NAA11: variants seen among roughly 807,000 people sequenced by gnomAD.
NAA11 encodes the protein N-alpha-acetyltransferase 11.
In NAA11, 15 loss-of-function variants were observed where a neutral mutation model predicts 16.1. That is an observed-to-expected ratio of 0.93 (90% confidence interval 0.62 to 1.44). The LOEUF (loss-of-function observed/expected upper bound fraction) is 1.44. Among genes scored for constraint, NAA11 ranks in the 40% most tolerant of loss-of-function variants. The probability of loss-of-function intolerance (pLI) is 0.00; values close to 1 mark genes in which losing one functional copy is unlikely to be tolerated. For synonymous variants in NAA11, 122 were observed against 112.4 expected, an observed-to-expected ratio of 1.09 and a Z score of -0.54; for missense variants, 298 against 291.3, an observed-to-expected ratio of 1.02 and a Z score of -0.17.
chr4:79,320,790 T>C (rs1724067013), intron 1 of NAA11, among the ~76,000 whole-genome samples: 1 of 148,552 alleles, frequency 6.7e-6, no homozygotes, highest in African/African-American at 2.6e-5. Context: ...ATGAAAAATA[T>C]TTTTTTTAGG....
intron 1 of NAA11, among the ~76,000 whole-genome samples, chr4:79,304,228 T>C (rs917103924): frequency 2.6e-5 from 4 of 152,200 alleles, no homozygotes; most frequent in African/African-American, 9.6e-5. Flanking sequence ...TAAAAAATTA[T>C]GGTCTACAGA....
At chr4:79,282,103 C>T (rs532024521) in intron 2 of NAA11, among the ~76,000 whole-genome samples, 1 of 152,150 alleles carries the variant, frequency 6.6e-6, no homozygotes, top group South Asian at 2.1e-4. Flanking sequence ...GACAAAGTGT[C>T]CTGGCAGGGG....
rs550801714 is a variant in NAA11 at position 79,244,874 on chromosome 4, C to T, written c.*123-18604G>A. 2.2e-4 allele frequency: 35 copies of T among 161,008 alleles called. No homozygotes were observed. The East Asian group carries it at 5.5e-3, about 25-fold the overall frequency. The allele number at this position is 161,008 out of a possible 1,614,324, so 10.0% of individuals were successfully genotyped here. A position where few individuals can be genotyped will look rare whatever the true frequency, so the allele number is the denominator to read the frequency against. ...AGCTCCTGACCTCGAGTGATCTGCCCGCCTCGGCCTCCCGAGGTGCCGGGA... is the reference window on the plus strand; with the variant it reads ...AGCTCCTGACCTCGAGTGATCTGCCTGCCTCGGCCTCCCGAGGTGCCGGGA... On this transcript the variant is annotated intron_variant and NMD_transcript_variant, in intron 2 of 2. Coordinates refer to the NAA11 transcript ENST00000511542.
downstream of NAA11, among the ~76,000 whole-genome samples, chr4:79,222,406 T>G (rs62310513): frequency 0.027 from 4,041 of 151,770 alleles, 81 homozygotes; most frequent in Non-Finnish European, 0.037. Context: ...GGATTCTCTA[T>G]TTAATAAATG....
chr4:79,210,512 T>C, the NAA11 span, among the ~76,000 whole-genome samples: 1 of 152,148 alleles, frequency 6.6e-6, no homozygotes, highest in Admixed American at 6.6e-5. Context: ...CACCACGGCA[T>C]AGCCTGTTCA....
intron 2 of NAA11, among the ~76,000 whole-genome samples, chr4:79,237,656 A>G (rs1296076380): frequency 6.6e-6 from 1 of 152,148 alleles, no homozygotes; most frequent in Non-Finnish European, 1.5e-5. Context: ...CTAAATTGTT[A>G]AATTAGTATT....
the NAA11 span, among the ~76,000 whole-genome samples, chr4:79,169,150 G>C: frequency 4.2e-4 from 64 of 152,254 alleles, no homozygotes; most frequent in Non-Finnish European, 7.6e-4. Context: ...TGGATAGGAA[G>C]AATCAATATC....
At chr4:79,263,952 G>T (rs914331490) in intron 2 of NAA11, among the ~76,000 whole-genome samples, 1 of 152,016 alleles carries the variant, frequency 6.6e-6, no homozygotes, top group African/African-American at 2.4e-5. Context: ...CATATATTCT[G>T]GTCAAGCTGG....
intron 2 of NAA11, among the ~76,000 whole-genome samples, chr4:79,290,579 A>G (rs72664039): frequency 6.6e-6 from 1 of 152,248 alleles, no homozygotes; most frequent in Non-Finnish European, 1.5e-5. Context: ...AGAGAAATGA[A>G]ACTCGTTTGA....
At chr4:79,156,218 A>G in the NAA11 span, among the ~76,000 whole-genome samples, 1 of 152,132 alleles carries the variant, frequency 6.6e-6, no homozygotes, top group Non-Finnish European at 1.5e-5. Context: ...TTTGAAACCC[A>G]TATGCTGAAA....
At chr4:79,255,169 G>A (rs1722079743) in intron 2 of NAA11, among the ~76,000 whole-genome samples, 1 of 152,122 alleles carries the variant, frequency 6.6e-6, no homozygotes, top group Admixed American at 6.5e-5. Flanking sequence ...GGGGGTGGTG[G>A]TGATTGGAAG....
chr4:79,237,615 G>C (rs905493959), intron 2 of NAA11, among the ~76,000 whole-genome samples: 6 of 152,118 alleles, frequency 3.9e-5, no homozygotes, highest in African/African-American at 1.4e-4. Context: ...GATTAGGATT[G>C]TGTTACTCTG....
At chr4:79,213,033 C>G in the NAA11 span, among the ~76,000 whole-genome samples, 86 of 152,224 alleles carry the variant, frequency 5.6e-4, no homozygotes, top group African/African-American at 1.9e-3. Context: ...ATACAGTACT[C>G]TACTTGTAAA....
intron 2 of NAA11, among the ~76,000 whole-genome samples, chr4:79,233,210 A>G (rs1315970737): frequency 6.6e-6 from 1 of 151,946 alleles, no homozygotes; most frequent in Non-Finnish European, 1.5e-5. Flanking sequence ...GAGAACAGAA[A>G]GCTAGCCACC....
At chr4:79,302,896 C>G (rs1275930068) in intron 1 of NAA11, among the ~76,000 whole-genome samples, 1 of 151,658 alleles carries the variant, frequency 6.6e-6, no homozygotes, top group Non-Finnish European at 1.5e-5. Flanking sequence ...AAATGCTCAT[C>G]CCTGGATCGT....
At chr4:79,161,882 C>T in the NAA11 span, among the ~76,000 whole-genome samples, 43 of 152,070 alleles carry the variant, frequency 2.8e-4, no homozygotes, top group Non-Finnish European at 5.4e-4. Flanking sequence ...AGGGTTTCAC[C>T]ATATTGGCCA....
chr4:79,189,344 G>A, the NAA11 span, among the ~76,000 whole-genome samples: 1 of 151,912 alleles, frequency 6.6e-6, no homozygotes, highest in Non-Finnish European at 1.5e-5. Context: ...GAACAATGTT[G>A]GGGTGTTTCT....
At chr4:79,294,655 T>C (rs1262057495) in intron 1 of NAA11, among the ~76,000 whole-genome samples, 1 of 152,208 alleles carries the variant, frequency 6.6e-6, no homozygotes, top group Non-Finnish European at 1.5e-5. Context: ...CTCTCTAAGG[T>C]TCTTTTATCC....
At chr4:79,220,382 T>A in the NAA11 span, among the ~76,000 whole-genome samples, 1 of 152,024 alleles carries the variant, frequency 6.6e-6, no homozygotes, top group Non-Finnish European at 1.5e-5. Context: ...CATGAGCCAC[T>A]GTGCTGGGCT....
Sources: allele counts gnomAD v4.1 joint callset (sites outside exome capture counted in the v4.1 genomes callset), GRCh38; gene constraint gnomAD v4.1.1; transcripts MANE v1.5; gene names NCBI Gene and HGNC (gene_info 2026-07-23, HGNC 2026-07-21).